GPC6: variants seen among roughly 807,000 people sequenced by gnomAD.
GPC6 encodes glypican-6.
A neutral mutation model predicts 55.2 loss-of-function variants in GPC6; 14 were observed. The ratio of observed to expected loss-of-function variants is 0.25; its 90% CI spans 0.17 to 0.40. The LOEUF (loss-of-function observed/expected upper bound fraction) is 0.40. GPC6 is among the 10% of genes least tolerant of loss of function. GPC6 has a pLI of 1.00. For missense variants in GPC6, 641 were observed against 708.5 expected (o/e 0.90, Z 1.08); for synonymous variants, 278 against 259.6 (o/e 1.07, Z -0.68).
intron 2 of GPC6, among the ~76,000 whole-genome samples, chr13:93,609,980 A>T (rs1247705942): frequency 6.6e-6 from 1 of 152,116 alleles, no homozygotes; most frequent in Non-Finnish European, 1.5e-5. Context: ...GCCTTTTCTA[A>T]TTACCTGTGC....
chr13:94,093,788 A>T (rs1438979372), intron 4 of GPC6, among the ~76,000 whole-genome samples: 4 of 152,074 alleles, frequency 2.6e-5, no homozygotes, highest in African/African-American at 9.7e-5. Context: ...TTATTGTTTG[A>T]TGACCTGATG....
At chr13:93,957,281 AG>A (rs1479191817) in intron 3 of GPC6, among the ~76,000 whole-genome samples, 4 of 152,262 alleles carry the variant, frequency 2.6e-5, no homozygotes, top group Non-Finnish European at 5.9e-5. Context: ...TTTTAGATAT[AG>A]GGGGTACACG....
intron 3 of GPC6, among the ~76,000 whole-genome samples, chr13:93,957,425 T>G (rs867473796): frequency 2.6e-5 from 4 of 152,258 alleles, no homozygotes; most frequent in Admixed American, 6.5e-5. Context: ...CGTAATTATG[T>G]CCATGTGTGC....
At chr13:93,490,174 C>T (rs1039627517) in intron 1 of GPC6, among the ~76,000 whole-genome samples, 59 of 151,476 alleles carry the variant, frequency 3.9e-4, no homozygotes, top group African/African-American at 1.2e-3. Flanking sequence ...GTTTTTAGCA[C>T]GAAGGGCTGT....
intron 3 of GPC6, among the ~76,000 whole-genome samples, chr13:93,892,306 T>C (rs928866275): frequency 2.0e-5 from 3 of 152,154 alleles, no homozygotes; most frequent in Non-Finnish European, 2.9e-5. Context: ...TGAAAGTTCC[T>C]ACCTAACGGG....
intron 4 of GPC6, among the ~76,000 whole-genome samples, chr13:94,246,478 T>C (rs910720361): frequency 2.0e-5 from 3 of 151,998 alleles, no homozygotes; most frequent in African/African-American, 7.2e-5. Context: ...GTCCTAGGAG[T>C]TCCATTGTTT....
intron 6 of GPC6, among the ~76,000 whole-genome samples, chr13:94,333,674 A>C (rs1877538083): frequency 6.6e-6 from 1 of 152,326 alleles, no homozygotes; most frequent in Middle Eastern, 3.4e-3. Flanking sequence ...CTGTCTTGCT[A>C]GTCAGGAAAC....
chr13:93,555,010 G>A (rs1233940187), intron 2 of GPC6, among the ~76,000 whole-genome samples: 1 of 152,158 alleles, frequency 6.6e-6, no homozygotes, highest in African/African-American at 2.4e-5. Flanking sequence ...TAAACGACTT[G>A]AACATGAAAA....
At chr13:94,354,227 C>G (rs780591949) in intron 6 of GPC6, among the ~76,000 whole-genome samples, 6 of 151,944 alleles carry the variant, frequency 3.9e-5, no homozygotes, top group Non-Finnish European at 2.9e-5. Flanking sequence ...CCACATCAGT[C>G]TTTATGTAAG....
chr13:93,452,862 A>T (rs1280511703), intron 1 of GPC6, among the ~76,000 whole-genome samples: 1 of 152,214 alleles, frequency 6.6e-6, no homozygotes, highest in Non-Finnish European at 1.5e-5. Flanking sequence ...TGTATATTAC[A>T]TATGGGCTAA....
chr13:93,313,617 C>A (rs1462892938), intron 1 of GPC6, among the ~76,000 whole-genome samples: 1 of 152,000 alleles, frequency 6.6e-6, no homozygotes, highest in Non-Finnish European at 1.5e-5. Flanking sequence ...CCTGTGTATA[C>A]CCTCTATACA....
At chr13:93,381,839 C>A (rs543578096) in intron 1 of GPC6, among the ~76,000 whole-genome samples, 1 of 152,212 alleles carries the variant, frequency 6.6e-6, no homozygotes, top group East Asian at 1.9e-4. Context: ...TCCATCCACC[C>A]ATCAGTTCAA....
At chr13:93,538,312 G>C (rs746391190) in intron 1 of GPC6, among the ~76,000 whole-genome samples, 3 of 152,284 alleles carry the variant, frequency 2.0e-5, no homozygotes, top group Middle Eastern at 3.4e-3. Context: ...GTAAGAAGCT[G>C]CCTTACTAAT....
chr13:93,557,251 T>G (rs1875528554), intron 2 of GPC6, among the ~76,000 whole-genome samples: 1 of 152,212 alleles, frequency 6.6e-6, no homozygotes, highest in South Asian at 2.1e-4. Flanking sequence ...GGGTATAATA[T>G]TCCCTCCACA....
At chr13:93,623,779 C>A (rs933641849) in intron 2 of GPC6, among the ~76,000 whole-genome samples, 2 of 151,904 alleles carry the variant, frequency 1.3e-5, no homozygotes, top group African/African-American at 4.8e-5. Flanking sequence ...TTTGATAAAG[C>A]CATTTTAACT....
chr13:93,565,886 C>CA (rs1308381687), intron 2 of GPC6, among the ~76,000 whole-genome samples: 2 of 146,670 alleles, frequency 1.4e-5, no homozygotes, highest in Non-Finnish European at 3.0e-5. Flanking sequence ...CGCACCACTG[C>CA]ATTCCAGCCT....
At chr13:94,070,289 T>C (rs1884680472) in intron 4 of GPC6, among the ~76,000 whole-genome samples, 1 of 152,144 alleles carries the variant, frequency 6.6e-6, no homozygotes, top group Admixed American at 6.5e-5. Flanking sequence ...CATGACTGAA[T>C]TACCTCCCAC....
intron 3 of GPC6, among the ~76,000 whole-genome samples, chr13:93,919,896 T>C (rs182655204): frequency 5.8e-4 from 88 of 152,354 alleles, no homozygotes; most frequent in Non-Finnish European, 7.9e-4. Flanking sequence ...TCTTGCTGCG[T>C]AGACTTGCTT....
chr13:94,320,798 C>T (rs1876781900), intron 6 of GPC6, among the ~76,000 whole-genome samples: 1 of 152,202 alleles, frequency 6.6e-6, no homozygotes, highest in Non-Finnish European at 1.5e-5. Context: ...AACTTGTTGA[C>T]TCCTACATGC....
Sources: gnomAD v4.1 joint callset for allele counts (sites outside exome capture counted in the v4.1 genomes callset) on GRCh38, gnomAD v4.1.1 for gene constraint, MANE v1.5 for transcripts, NCBI Gene and HGNC (gene_info 2026-07-23, HGNC 2026-07-21) for gene names.